The following GYPB variants were observed in gnomAD, a reference collection of about 807,000 sequenced individuals.
The protein encoded by GYPB is glycophorin-B.
A neutral mutation model predicts 15.3 loss-of-function variants in GYPB; 13 were observed. The observed-to-expected ratio is 0.85, with a 90% CI of 0.55 to 1.35. The LOEUF (loss-of-function observed/expected upper bound fraction) is 1.35. Among genes scored for constraint, GYPB ranks in the 40% most tolerant of loss-of-function variants. The pLI is 0.00. For missense variants in GYPB, 131 were observed against 108.3 expected, an observed-to-expected ratio of 1.21 and a Z score of -0.93; for synonymous variants, 38 against 36.9, an observed-to-expected ratio of 1.03 and a Z score of -0.11.
Position 143,996,221 on chromosome 4 carries a change from G to T in GYPB, c.*78C>A. On this transcript the variant is annotated 3_prime_UTR_variant, in exon 5 of 5. Coordinates refer to ENST00000502664, the MANE Select transcript of GYPB (RefSeq NM_002100.6). ...GGGCATAAGCAAAGGAATAGCAGGT[G>T]CAGCCAGTTTGCATAAACAAGAGAA... The T allele has an allele frequency of 1.3e-6, 2 of 1,549,674 alleles. No individual in the cohort carries two copies. Among genetic ancestry groups the T allele is most frequent in the Admixed American group, 2.0e-5 (1 of 50,944 alleles).
chr4:144,002,019 A>G (rs1727656429), intron 1 of GYPB, among the ~76,000 whole-genome samples: 1 of 149,358 alleles, frequency 6.7e-6, no homozygotes, highest in Admixed American at 6.6e-5. Context: ...ATCAGAATGT[A>G]GATTCACAAA....
intron 1 of GYPB, among the ~76,000 whole-genome samples, chr4:144,013,592 A>G (rs1728329689): frequency 6.6e-6 from 1 of 151,284 alleles, no homozygotes; most frequent in South Asian, 2.1e-4. Context: ...TGCAGCCATA[A>G]AAAATGATGA....
intron 1 of GYPB, among the ~76,000 whole-genome samples, chr4:144,004,516 T>G (rs1332061337): frequency 6.6e-6 from 1 of 151,622 alleles, no homozygotes; most frequent in Non-Finnish European, 1.5e-5. Context: ...TTTAAATAAT[T>G]TGGTAGTTAT....
At chr4:144,011,885 TC>T (rs1164386014) in intron 1 of GYPB, among the ~76,000 whole-genome samples, 1 of 151,342 alleles carries the variant, frequency 6.6e-6, no homozygotes, top group Non-Finnish European at 1.5e-5. Flanking sequence ...GTGGTCTTTT[TC>T]CTAGCAAAAT....
chr4:143,999,004 G>C (rs7666296), intron 3 of GYPB, among the ~76,000 whole-genome samples: 41,058 of 150,396 alleles, frequency 0.27, 6,358 homozygotes, highest in South Asian at 0.34. Context: ...CTCAGGCAAT[G>C]GATCCGATCC....
intron 1 of GYPB, among the ~76,000 whole-genome samples, chr4:144,018,847 T>C (rs535025532): frequency 6.6e-6 from 1 of 151,332 alleles, no homozygotes; most frequent in South Asian, 2.1e-4. Flanking sequence ...AATAGGAAAT[T>C]ACACCTTTTG....
chr4:143,995,875 T>C (rs1313270162), downstream of GYPB, among the ~76,000 whole-genome samples: 1 of 151,368 alleles, frequency 6.6e-6, no homozygotes, highest in Non-Finnish European at 1.5e-5. Flanking sequence ...GTCAGGCACC[T>C]TGGGTACTTG....
rs1228603759 is a variant in GYPB, at chr4:143,998,902, ATTTAC to A, written c.175+504_175+508del. 2.0e-5 allele frequency among the ~76,000 whole-genome samples: 3 copies of A among 149,678 alleles called. No homozygotes were observed. The East Asian group carries it at 5.8e-4, about 29-fold the overall frequency. On this transcript the variant is annotated intron_variant, in intron 3 of 4. Transcript: ENST00000502664. ...TTTCCAAATGTTTTTATTTATTTTT[ATTTAC>A]TTATGTATTTGTTTTTGAGACAGGG...
intron 1 of GYPB, among the ~76,000 whole-genome samples, chr4:144,018,939 A>G (rs938069523): frequency 1.3e-5 from 2 of 151,498 alleles, no homozygotes; most frequent in African/African-American, 4.9e-5. Flanking sequence ...ACTCAAACAA[A>G]GCAATACATT....
intron 3 of GYPB, among the ~76,000 whole-genome samples, chr4:143,998,411 A>G (rs1477642687): frequency 1.3e-5 from 2 of 151,406 alleles, no homozygotes; most frequent in Non-Finnish European, 2.9e-5. Context: ...TAATATTTAA[A>G]TTATTCACAA....
intron 1 of GYPB, among the ~76,000 whole-genome samples, chr4:144,011,299 G>A (rs1728208115): frequency 6.6e-6 from 1 of 151,340 alleles, no homozygotes; most frequent in Non-Finnish European, 1.5e-5. Flanking sequence ...AGAATTGCTT[G>A]AACCCGGGAG....
chr4:144,017,490 G>A (rs1228925207), intron 1 of GYPB, among the ~76,000 whole-genome samples: 1 of 151,192 alleles, frequency 6.6e-6, no homozygotes, highest in Admixed American at 6.6e-5. Flanking sequence ...TTTCTGCTAC[G>A]AAGATGATAA....
Position 143,997,346 on chromosome 4 carries a change from G to T in GYPB, c.270+194C>A, listed in dbSNP as rs115734736. On this transcript the variant is annotated intron_variant, in intron 4 of 4. Transcript: ENST00000502664. ...ATGGGGGACAGACTTATATTTAGAG[G>T]TTCCCTTTAATTGGGCAAATGCAAA... 3.2e-3 allele frequency: 1,547 copies of T among 480,046 alleles called. 75 individuals are homozygous for T. Among genetic ancestry groups the T allele is most frequent in the African/African-American group, 0.03 (1,401 of 46,132 alleles). 29.7% of individuals were successfully genotyped at this position (480,046 alleles called of 1,614,324 possible).
intron 4 of GYPB, among the ~76,000 whole-genome samples, chr4:143,996,915 T>C (rs1272261943): frequency 1.3e-5 from 2 of 151,128 alleles, no homozygotes; most frequent in Admixed American, 1.3e-4. Flanking sequence ...TATTTATTTA[T>C]ATATTTATTG....
chr4:144,014,831 G>T (rs1728408444), intron 1 of GYPB, among the ~76,000 whole-genome samples: 1 of 151,482 alleles, frequency 6.6e-6, no homozygotes, highest in African/African-American at 2.5e-5. Flanking sequence ...AAATTGCTTA[G>T]AAAAGTGCAT....
At chr4:144,018,766 G>T (rs1728633860) in intron 1 of GYPB, among the ~76,000 whole-genome samples, 1 of 150,226 alleles carries the variant, frequency 6.7e-6, no homozygotes, top group East Asian at 1.9e-4. Flanking sequence ...TTTAGTAATG[G>T]ACCCACAGAG....
intron 1 of GYPB, among the ~76,000 whole-genome samples, chr4:144,013,488 T>C (rs563306377): frequency 6.6e-6 from 1 of 151,420 alleles, no homozygotes; most frequent in East Asian, 1.9e-4. Context: ...ATTGTGGCAT[T>C]ATTCACAATA....
At chr4:144,017,348 AAG>A (rs1189799704) in intron 1 of GYPB, among the ~76,000 whole-genome samples, 2 of 146,834 alleles carry the variant, frequency 1.4e-5, no homozygotes, top group Non-Finnish European at 2.9e-5. Context: ...AAAAAAAAAA[AAG>A]AAAAAGAAAA....
Position 143,999,430 on chromosome 4 carries a change from G to C in GYPB, c.156C>G (p.Val52=), listed in dbSNP as rs267600026. ...ACATACCTGGTACAGTGAAACGATG[G>C]ACAAGTTGTCCCGTTTCTCCTATAA... ...SQTNGETGQL[V]HRFTVPAPVV... is the part of the protein sequence containing the mutation. Residue 52 remains valine (V), a synonymous_variant, in exon 3 of 5, where the codon GTC becomes GTG. Transcript: ENST00000502664. 6.5e-7 allele frequency: 1 copy of C among 1,543,938 alleles called. No individual in the cohort carries two copies. Among genetic ancestry groups the C allele is most frequent in the Non-Finnish European group, 8.9e-7 (1 of 1,121,286 alleles).
Sources: allele counts gnomAD v4.1 joint callset (sites outside exome capture counted in the v4.1 genomes callset), GRCh38; gene constraint gnomAD v4.1.1; transcripts MANE v1.5; gene names NCBI Gene and HGNC (gene_info 2026-07-23, HGNC 2026-07-21).